Variants in SNTG1 observed in about 807,000 individuals in gnomAD.
The protein encoded by SNTG1 is syntrophin gamma 1.
Under a neutral mutation model 74.7 loss-of-function variants are expected in SNTG1, and 39 were observed. That is an observed-to-expected ratio of 0.52 (90% confidence interval 0.40 to 0.68). SNTG1 has a LOEUF of 0.68. Among genes scored for constraint, SNTG1 ranks in the 30% least tolerant of loss-of-function variants. The pLI is 0.00. For synonymous variants in SNTG1, 254 were observed against 217.1 expected (o/e 1.17, Z -1.49); for missense variants, 685 against 609.5 (o/e 1.12, Z -1.30).
chr8:50,492,114 T>C (rs1226040216), intron 8 of SNTG1, among the ~76,000 whole-genome samples: 1 of 152,212 alleles, frequency 6.6e-6, no homozygotes, highest in Non-Finnish European at 1.5e-5. Flanking sequence ...ATGTGCCACA[T>C]TTTCTTTATC....
At chr8:50,280,124 A>G (rs777649752) in intron 2 of SNTG1, among the ~76,000 whole-genome samples, 15 of 152,200 alleles carry the variant, frequency 9.9e-5, no homozygotes, top group Non-Finnish European at 1.8e-4. Context: ...TCCTACAGTC[A>G]TATTTTGGCT....
At chr8:50,286,216 C>T (rs2088774346) in intron 2 of SNTG1, among the ~76,000 whole-genome samples, 1 of 152,144 alleles carries the variant, frequency 6.6e-6, no homozygotes. Context: ...AGGAGACCAA[C>T]AAAAAGCATA....
intron 2 of SNTG1, among the ~76,000 whole-genome samples, chr8:50,289,441 T>C (rs1372239289): frequency 2.0e-5 from 3 of 152,216 alleles, no homozygotes; most frequent in Non-Finnish European, 2.9e-5. Context: ...GGTCAGTGAC[T>C]GAAGTTGTAC....
intron 4 of SNTG1, among the ~76,000 whole-genome samples, chr8:50,427,588 G>A (rs907452891): frequency 6.6e-6 from 1 of 152,032 alleles, no homozygotes; most frequent in Non-Finnish European, 1.5e-5. Flanking sequence ...ACCATGCTTA[G>A]CTAAGCTTTT....
intron 15 of SNTG1, among the ~76,000 whole-genome samples, chr8:50,664,602 C>T (rs2095241552): frequency 6.6e-6 from 1 of 152,138 alleles, no homozygotes; most frequent in Non-Finnish European, 1.5e-5. Flanking sequence ...GCATCTTGCC[C>T]TCATCTCTCT....
chr8:50,570,193 C>G (rs2094538859), intron 12 of SNTG1, among the ~76,000 whole-genome samples: 2 of 129,790 alleles, frequency 1.5e-5, no homozygotes, highest in Non-Finnish European at 3.4e-5. Context: ...TATATACTCA[C>G]TAATGAGATT....
intron 8 of SNTG1, among the ~76,000 whole-genome samples, chr8:50,490,315 A>G (rs1252579733): frequency 6.6e-6 from 1 of 152,142 alleles, no homozygotes; most frequent in East Asian, 1.9e-4. Flanking sequence ...AAGAAAGTCA[A>G]TGGTAGCTTG....
chr8:50,250,021 T>A (rs1299596803), intron 2 of SNTG1, among the ~76,000 whole-genome samples: 1 of 151,690 alleles, frequency 6.6e-6, no homozygotes, highest in Non-Finnish European at 1.5e-5. Context: ...CTAATAATGA[T>A]TTCAAGAAAA....
chr8:50,397,854 A>G (rs1178899973), intron 3 of SNTG1, among the ~76,000 whole-genome samples: 2 of 152,194 alleles, frequency 1.3e-5, no homozygotes, highest in Non-Finnish European at 2.9e-5. Context: ...GTCCCTCTGC[A>G]CTTGTCTAAT....
intron 13 of SNTG1, among the ~76,000 whole-genome samples, chr8:50,656,453 G>C (rs1267247880): frequency 1.3e-5 from 2 of 152,156 alleles, no homozygotes; most frequent in East Asian, 3.9e-4. Context: ...GAAGTGGTGT[G>C]CCGCCCTAGT....
intron 17 of SNTG1, among the ~76,000 whole-genome samples, chr8:50,723,720 A>G (rs1007748519): frequency 2.6e-5 from 4 of 152,080 alleles, no homozygotes; most frequent in African/African-American, 9.7e-5. Flanking sequence ...GGTCAGTTAG[A>G]CTGACTGGAA....
chr8:50,351,455 T>G (rs1374533378), intron 2 of SNTG1, among the ~76,000 whole-genome samples: 1 of 152,240 alleles, frequency 6.6e-6, no homozygotes, highest in Admixed American at 6.5e-5. Context: ...AGAAACATTG[T>G]GTTTATCTCA....
At chr8:49,988,377 A>G (rs141600278) in intron 1 of SNTG1, among the ~76,000 whole-genome samples, 178 of 152,340 alleles carry the variant, frequency 1.2e-3, no homozygotes, top group Non-Finnish European at 2.0e-3. Flanking sequence ...TCAATATGTT[A>G]GAAGAATTAG....
intron 1 of SNTG1, among the ~76,000 whole-genome samples, chr8:50,069,720 GA>G (rs779867820): frequency 2.7e-5 from 4 of 146,438 alleles, no homozygotes. Context: ...CTTCTCCCCA[GA>G]GTACCCATGT....
chr8:50,015,697 A>T (rs574613371), intron 1 of SNTG1, among the ~76,000 whole-genome samples: 23 of 152,268 alleles, frequency 1.5e-4, no homozygotes, highest in African/African-American at 4.8e-4. Flanking sequence ...AGGCTCAAAC[A>T]CATCTTTATT....
intron 1 of SNTG1, among the ~76,000 whole-genome samples, chr8:50,075,885 C>T (rs879310991): frequency 2.6e-5 from 4 of 152,028 alleles, no homozygotes; most frequent in Non-Finnish European, 4.4e-5. Flanking sequence ...GAAGAAACTC[C>T]GAACACGTCA....
At chr8:50,153,721 A>ATTGCTGAACAGCAAATG in intron 1 of SNTG1, among the ~76,000 whole-genome samples, 1 of 152,270 alleles carries the variant, frequency 6.6e-6, no homozygotes, top group East Asian at 1.9e-4. Flanking sequence ...AACAGCGAAT[A>ATTGCTGAACAGCAAATG]TTGCTGAACA....
chr8:50,402,102 C>G, intron 3 of SNTG1, 108 bp from the exon 4 acceptor site: 1 of 1,132,038 alleles, frequency 8.8e-7, no homozygotes, highest in African/African-American at 1.6e-5. Flanking sequence ...GTGTTTTCAC[C>G]ACCTCTTAAA....
At chr8:50,762,684 AC>A in intron 18 of SNTG1, 2 of 474,372 alleles carry the variant, frequency 4.2e-6, no homozygotes, top group Non-Finnish European at 8.5e-6. Flanking sequence ...CCTGTCTTCT[AC>A]CCGAAGAGAC....
Sources: allele counts gnomAD v4.1 joint callset (sites outside exome capture counted in the v4.1 genomes callset), GRCh38; gene constraint gnomAD v4.1.1; transcripts MANE v1.5; gene names NCBI Gene and HGNC (gene_info 2026-07-23, HGNC 2026-07-21).